Variants in EYA4 observed in about 807,000 individuals in gnomAD.
EYA4 encodes the protein EYA transcriptional coactivator and phosphatase 4.
In EYA4, 31 loss-of-function variants were observed where a neutral mutation model predicts 87.9. The ratio of observed to expected loss-of-function variants is 0.35; its 90% confidence interval spans 0.27 to 0.48. The LOEUF (loss-of-function observed/expected upper bound fraction) is 0.48. Ranked by LOEUF, EYA4 falls within the 20% of genes least tolerant of loss-of-function variation. EYA4 has a pLI of 0.99. For missense variants in EYA4, 678 were observed against 761.4 expected (o/e 0.89, Z 1.29); for synonymous variants, 263 against 270.6 (o/e 0.97, Z 0.28).
At position 133,385,259 on chromosome 6, in the gene EYA4, A is replaced by G. The variant is rs1314157104; in HGVS notation, c.83+2818A>G. Among the ~76,000 whole-genome samples the G allele has an allele frequency of 2.0e-5, 3 of 148,038 alleles. No homozygotes were observed. In the East Asian group the frequency reaches 6.0e-4, roughly 29 times the overall value. ...GCTTGCAGTGAGCCGAGATTGTGCC[A>G]CTGCACTCCAGCCTGGGTGACAAAG... is the stretch of plus-strand genomic sequence containing the variant. On this transcript the variant is annotated intron_variant, in intron 3 of 19. Transcript: ENST00000355286.
chr6:133,286,056 G>A (rs1352127744), intron 2 of EYA4, among the ~76,000 whole-genome samples: 2 of 152,174 alleles, frequency 1.3e-5, no homozygotes, highest in African/African-American at 4.8e-5. Context: ...CCTGTGAAAT[G>A]TAAGGAGAAG....
At chr6:133,341,909 A>C (rs149159457) in intron 2 of EYA4, among the ~76,000 whole-genome samples, 19 of 152,280 alleles carry the variant, frequency 1.2e-4, no homozygotes, top group African/African-American at 4.3e-4. Flanking sequence ...CATTTTTTCA[A>C]ACTATTTACT....
Position 133,435,838 on chromosome 6 carries a change from T to TAC in EYA4, c.84-10778_84-10777dup, listed in dbSNP as rs34013885. On this transcript the variant is annotated intron_variant, in intron 3 of 19. Transcript: ENST00000355286. Reference sequence around the variant, plus strand: ...ACTCTAAAGTGCATGTGCACGCGTGTACACACACACACACAGACACAAACA... The same window carrying TAC: ...ACTCTAAAGTGCATGTGCACGCGTGTACACACACACACACACAGACACAAACA... Among the ~76,000 whole-genome samples the TAC allele has an allele frequency of 7.9e-5, 12 of 151,196 alleles. No individual in the cohort carries two copies. The East Asian group carries it at 1.6e-3, about 20-fold the overall frequency.
intron 3 of EYA4, among the ~76,000 whole-genome samples, chr6:133,431,869 G>A (rs138782613): frequency 6.6e-6 from 1 of 151,678 alleles, no homozygotes; most frequent in African/African-American, 2.4e-5. Flanking sequence ...TAGGGCAGAA[G>A]TTACAGAATG....
chr6:133,392,948 G>A (rs1400596741), intron 3 of EYA4, among the ~76,000 whole-genome samples: 2 of 152,296 alleles, frequency 1.3e-5, no homozygotes, highest in East Asian at 1.9e-4. Context: ...TTTGGTCAGA[G>A]TAATTCCTCA....
At chr6:133,382,272 G>T (rs777662360) in intron 2 of EYA4, 120 bp from the exon 3 acceptor site, 5 of 780,050 alleles carry the variant, frequency 6.4e-6, no homozygotes, top group Non-Finnish European at 1.2e-5. Context: ...CTGCTGTAAA[G>T]TGTGGGGGGT....
At chr6:133,502,997 A>T (rs1172691544) in intron 13 of EYA4, among the ~76,000 whole-genome samples, 1 of 152,220 alleles carries the variant, frequency 6.6e-6, no homozygotes, top group Non-Finnish European at 1.5e-5. Flanking sequence ...TGTGATGTGG[A>T]ATCTCCACAG....
At chr6:133,354,839 C>G (rs1053075222) in intron 2 of EYA4, among the ~76,000 whole-genome samples, 1 of 152,108 alleles carries the variant, frequency 6.6e-6, no homozygotes, top group Non-Finnish European at 1.5e-5. Context: ...TTCTGTTTAA[C>G]CAGGTCCATT....
At chr6:133,450,232 G>A (rs1236498682) in intron 5 of EYA4, among the ~76,000 whole-genome samples, 1 of 152,202 alleles carries the variant, frequency 6.6e-6, no homozygotes, top group South Asian at 2.1e-4. Flanking sequence ...TGATCGGCCC[G>A]CCTCAGCCTC....
intron 9 of EYA4, among the ~76,000 whole-genome samples, chr6:133,463,627 C>T (rs914029543): frequency 6.6e-6 from 1 of 152,092 alleles, no homozygotes; most frequent in Non-Finnish European, 1.5e-5. Flanking sequence ...TCCCAAAGTA[C>T]TGGGATTACA....
At chr6:133,324,517 T>G (rs1781341380) in intron 2 of EYA4, among the ~76,000 whole-genome samples, 1 of 152,194 alleles carries the variant, frequency 6.6e-6, no homozygotes, top group Admixed American at 6.5e-5. Flanking sequence ...TTATGTATTA[T>G]GTACAATATA....
At chr6:133,311,331 A>G (rs1047568284) in intron 2 of EYA4, among the ~76,000 whole-genome samples, 2 of 151,752 alleles carry the variant, frequency 1.3e-5, no homozygotes, top group African/African-American at 4.8e-5. Context: ...TTATTTGTTT[A>G]TTTATTTATT....
chr6:133,514,817 TATTAGAAAC>T (rs1478912165), intron 16 of EYA4, among the ~76,000 whole-genome samples: 1 of 152,220 alleles, frequency 6.6e-6, no homozygotes, highest in Non-Finnish European at 1.5e-5. Flanking sequence ...TTAGCAGTAG[TATTAGAAAC>T]ATTTTAACAG....
chr6:133,282,594 A>ATG (rs1225271861), intron 2 of EYA4, among the ~76,000 whole-genome samples: 1 of 100,002 alleles, frequency 1.0e-5, no homozygotes, highest in African/African-American at 6.1e-5. Flanking sequence ...GTGTGTATAT[A>ATG]TATATATGTA....
chr6:133,411,557 G>A lies in EYA4; in HGVS notation c.83+29116G>A, dbSNP rs200888405. ...TGTGTGTGTGTGTATCTGTATATCT[G>A]TCTATCTATATATATATATATTCGG... On this transcript the variant is annotated intron_variant, in intron 3 of 19. Coordinates refer to ENST00000355286, the MANE Select transcript of EYA4 (RefSeq NM_004100.5). Among the ~76,000 whole-genome samples the A allele has an allele frequency of 1.2e-4, 18 of 150,300 alleles. No homozygotes were observed. In the East Asian group the frequency reaches 3.1e-3, roughly 26 times the overall value.
At chr6:133,448,825 A>G (rs1468695104) in intron 5 of EYA4, among the ~76,000 whole-genome samples, 7 of 152,210 alleles carry the variant, frequency 4.6e-5, no homozygotes, top group Non-Finnish European at 8.8e-5. Context: ...TATCCTAAAA[A>G]AAATCAATTA....
intron 3 of EYA4, among the ~76,000 whole-genome samples, chr6:133,424,530 GA>G (rs948623791): frequency 1.3e-5 from 2 of 152,114 alleles, no homozygotes; most frequent in African/African-American, 4.8e-5. Flanking sequence ...AGCCTATAAG[GA>G]TGGGGGTCCT....
intron 18 of EYA4, chr6:133,524,895 T>C (rs971626957): frequency 1.2e-6 from 1 of 861,154 alleles, no homozygotes; most frequent in African/African-American, 1.7e-5. Context: ...GTTGATTTCA[T>C]AAACCCAGAG....
chr6:133,330,151 A>C (rs1405496966), intron 2 of EYA4, among the ~76,000 whole-genome samples: 1 of 152,122 alleles, frequency 6.6e-6, no homozygotes, highest in East Asian at 1.9e-4. Flanking sequence ...CGAGCTTCCT[A>C]GCAAAGTTGT....
Sources: allele counts gnomAD v4.1 joint callset (sites outside exome capture counted in the v4.1 genomes callset), GRCh38; gene constraint gnomAD v4.1.1; transcripts MANE v1.5; gene names NCBI Gene and HGNC (gene_info 2026-07-23, HGNC 2026-07-21).